Variants in PTPRD observed in about 807,000 individuals in gnomAD.
PTPRD encodes the protein receptor-type tyrosine-protein phosphatase delta.
Under a neutral mutation model 214.5 loss-of-function variants are expected in PTPRD, and 34 were observed. The observed-to-expected ratio is 0.16, with a 90% CI of 0.12 to 0.21. The LOEUF is 0.21. Ranked by LOEUF, PTPRD falls within the 10% of genes least tolerant of loss-of-function variation. The pLI, the probability that PTPRD is intolerant of heterozygous loss-of-function variation, is 1.00. For synonymous variants in PTPRD, 1,128 were observed against 845.7 expected (o/e 1.33, Z -5.79); for missense variants, 2,545 against 2,398.7 (o/e 1.06, Z -1.27).
chr9:9,126,861 T>C (rs528851390), intron 10 of PTPRD, among the ~76,000 whole-genome samples: 38 of 152,326 alleles, frequency 2.5e-4, no homozygotes, highest in African/African-American at 8.4e-4. Context: ...CGTTCATTCA[T>C]GCATTCACTC....
intron 7 of PTPRD, among the ~76,000 whole-genome samples, chr9:9,671,041 C>CA (rs1351304651): frequency 6.6e-6 from 1 of 152,080 alleles, no homozygotes; most frequent in Non-Finnish European, 1.5e-5. Context: ...CAGCTTGCAC[C>CA]ATTCACCTGG....
At chr9:9,086,874 G>C (rs2099767824) in intron 10 of PTPRD, among the ~76,000 whole-genome samples, 1 of 152,130 alleles carries the variant, frequency 6.6e-6, no homozygotes, top group South Asian at 2.1e-4. Context: ...CTGAAACTAA[G>C]AGATACAAAG....
chr9:8,486,257 G>C lies in PTPRD; in HGVS notation c.2560C>G (p.Gln854Glu), dbSNP rs778093636. 5 of 1,614,072 alleles carry C rather than the reference G, an allele frequency of 3.1e-6. No homozygotes were observed. The African/African-American group carries it at 4.0e-5, about 13-fold the overall frequency. Reference sequence around the variant, plus strand: ...CGGCCAAATTTTAGACGGTAGCCCTGAAGAGGTCCAAATGTGTCCACCGGA... The same window carrying C: ...CGGCCAAATTTTAGACGGTAGCCCTCAAGAGGTCCAAATGTGTCCACCGGA... ...HPPVDTFGPL[Q>E]GYRLKFGRKD... Residue 854 changes from glutamine (Q) to glutamate (E), a missense_variant, in exon 28 of 46, where the codon CAG becomes GAG. Physicochemically the swap from Gln to Glu is conservative, Grantham distance 29 (BLOSUM62 2). Transcript: ENST00000381196.
At chr9:10,254,646 G>A (rs554786592) in intron 3 of PTPRD, among the ~76,000 whole-genome samples, 1 of 152,116 alleles carries the variant, frequency 6.6e-6, no homozygotes, top group Non-Finnish European at 1.5e-5. Context: ...TAGAGTAAAA[G>A]ATTCCCAAAA....
At chr9:9,689,354 T>G (rs764083685) in intron 7 of PTPRD, among the ~76,000 whole-genome samples, 2 of 151,908 alleles carry the variant, frequency 1.3e-5, no homozygotes, top group East Asian at 3.9e-4. Context: ...TTAATGTCAA[T>G]TAAATATATA....
At chr9:9,265,610 A>C (rs889145473) in intron 9 of PTPRD, among the ~76,000 whole-genome samples, 2 of 151,498 alleles carry the variant, frequency 1.3e-5, no homozygotes, top group Admixed American at 6.6e-5. Flanking sequence ...AAAATGTAGA[A>C]TTTTTGAATG....
chr9:9,931,153 C>A (rs1398115233), intron 5 of PTPRD, among the ~76,000 whole-genome samples: 1 of 151,332 alleles, frequency 6.6e-6, no homozygotes, highest in Admixed American at 6.6e-5. Flanking sequence ...TACTTTTTTC[C>A]TATAGAAAAA....
chr9:8,728,622 G>C (rs560329531), intron 12 of PTPRD, among the ~76,000 whole-genome samples: 52 of 152,170 alleles, frequency 3.4e-4, no homozygotes, highest in Admixed American at 5.9e-4. Context: ...GGAAGATCTC[G>C]CCAATTTCTG....
In PTPRD at chr9:9,133,273, T is replaced by A. The variant is rs577063207; in HGVS notation, c.-143+50031A>T. On this transcript the variant is annotated intron_variant, in intron 10 of 45. Transcript: ENST00000381196. ...TGATGTTGTCTGAATATTTAAAGAC[T>A]CCTTCCTAGGTTATTCTTACGATGT... Among the ~76,000 whole-genome samples the A allele has an allele frequency of 3.9e-5, 6 of 152,308 alleles. No homozygotes were observed. In the South Asian group the frequency reaches 1.2e-3, roughly 32 times the overall value.
chr9:10,412,455 A>C (rs1232308818), intron 2 of PTPRD, among the ~76,000 whole-genome samples: 1 of 151,756 alleles, frequency 6.6e-6, no homozygotes, highest in African/African-American at 2.4e-5. Context: ...GCTTAGGACC[A>C]GATGTAGTAT....
At chr9:9,631,123 T>C (rs1260203049) in intron 7 of PTPRD, among the ~76,000 whole-genome samples, 3 of 151,928 alleles carry the variant, frequency 2.0e-5, no homozygotes, top group Non-Finnish European at 4.4e-5. Flanking sequence ...TAATCCTCAG[T>C]TCTGCTACTC....
intron 8 of PTPRD, among the ~76,000 whole-genome samples, chr9:9,458,372 AT>A (rs1282183478): frequency 6.6e-6 from 1 of 151,964 alleles, no homozygotes; most frequent in Non-Finnish European, 1.5e-5. Flanking sequence ...TAAAACGTTT[AT>A]TTTTTACTAA....
chr9:9,935,131 A>G (rs2088669903), intron 5 of PTPRD, among the ~76,000 whole-genome samples: 1 of 152,152 alleles, frequency 6.6e-6, no homozygotes, highest in South Asian at 2.1e-4. Flanking sequence ...CTGAATGGGC[A>G]AAAACTGGAA....
At chr9:9,033,008 C>A (rs1358208459) in intron 10 of PTPRD, among the ~76,000 whole-genome samples, 1 of 152,040 alleles carries the variant, frequency 6.6e-6, no homozygotes, top group Non-Finnish European at 1.5e-5. Context: ...TCTTTCACTG[C>A]AAAAATGGTA....
At chr9:10,137,701 T>TAAAAAAAAA (rs76032048) in intron 3 of PTPRD, among the ~76,000 whole-genome samples, 2 of 72,036 alleles carry the variant, frequency 2.8e-5, no homozygotes, top group Non-Finnish European at 5.1e-5. Context: ...TAGAGTATAA[T>TAAAAAAAAA]AAAAAAAAAA....
chr9:10,378,952 G>T (rs778916624), intron 2 of PTPRD, among the ~76,000 whole-genome samples: 22 of 151,980 alleles, frequency 1.4e-4, no homozygotes, highest in Non-Finnish European at 1.5e-5. Flanking sequence ...TCATGAACAT[G>T]GAATAGCTCT....
At chr9:8,781,710 G>C (rs1394688250) in intron 11 of PTPRD, among the ~76,000 whole-genome samples, 1 of 152,212 alleles carries the variant, frequency 6.6e-6, no homozygotes, top group Non-Finnish European at 1.5e-5. Context: ...TAATCAGACT[G>C]TGCAGGGGAT....
chr9:8,518,160 G>T lies in PTPRD; in HGVS notation c.1231C>A (p.Gln411Lys), dbSNP rs780092033. ...RGPPSEPVLTQTSEQAPSSAP... is the reference protein window; with the variant it reads ...RGPPSEPVLTKTSEQAPSSAP... ...CTGGATGGTGCTTGCTCTGAGGTTT[G>T]TGTTAGCACAGGTTCGCTGGGAGGC... Residue 411 changes from glutamine to lysine, a missense_variant, in exon 21 of 46, where the codon CAA becomes AAA. Gln to Lys is a moderately conservative substitution (Grantham distance 53, BLOSUM62 1). Transcript: ENST00000381196. The T allele has an allele frequency of 1.9e-6, 3 of 1,614,162 alleles. No individual in the cohort carries two copies. Among genetic ancestry groups the T allele is most frequent in the Non-Finnish European group, 2.5e-6 (3 of 1,180,028 alleles).
At chr9:10,028,736 G>T (rs182582899) in intron 4 of PTPRD, among the ~76,000 whole-genome samples, 1 of 152,170 alleles carries the variant, frequency 6.6e-6, no homozygotes, top group African/African-American at 2.4e-5. Context: ...GCATTCAAGA[G>T]GTGACTTGGG....
Sources: gnomAD v4.1 joint callset for allele counts (sites outside exome capture counted in the v4.1 genomes callset) on GRCh38, gnomAD v4.1.1 for gene constraint, MANE v1.5 for transcripts, NCBI Gene and HGNC (gene_info 2026-07-23, HGNC 2026-07-21) for gene names.